ZNF423: variants seen among roughly 807,000 people sequenced by gnomAD.
ZNF423 encodes zinc finger protein 423, also known as Ebf-associated zinc finger protein.
A neutral mutation model predicts 95.8 loss-of-function variants in ZNF423; 12 were observed. That is an observed-to-expected ratio of 0.13 (90% CI 0.08 to 0.20). The LOEUF (loss-of-function observed/expected upper bound fraction) is 0.20, where lower values mean the gene tolerates loss of function less well. Among genes scored for constraint, ZNF423 ranks in the 10% least tolerant of loss-of-function variants. The probability of loss-of-function intolerance (pLI) is 1.00; values close to 1 mark genes in which losing one functional copy is unlikely to be tolerated. For missense variants in ZNF423, 1,316 were observed against 1,737.1 expected (o/e 0.76, Z 4.31); for synonymous variants, 749 against 711.9 (o/e 1.05, Z -0.83).
chr16:49,592,775 A>G (rs992114859), intron 5 of ZNF423, among the ~76,000 whole-genome samples: 4 of 152,190 alleles, frequency 2.6e-5, no homozygotes, highest in Non-Finnish European at 4.4e-5. Context: ...GAACCGGCGG[A>G]CCTGAGGGCT....
At chr16:49,674,710 C>T (rs1335256770) in intron 3 of ZNF423, among the ~76,000 whole-genome samples, 3 of 152,292 alleles carry the variant, frequency 2.0e-5, no homozygotes, top group East Asian at 1.9e-4. Context: ...AGGGGCGGAA[C>T]GGGGCTGCAG....
intron 1 of ZNF423, among the ~76,000 whole-genome samples, chr16:49,826,149 C>T (rs1190634654): frequency 6.6e-6 from 1 of 152,168 alleles, no homozygotes. Context: ...GAGGTCGAGG[C>T]TTCAGTGAGC....
chr16:49,606,762 A>G (rs921075014), intron 5 of ZNF423, among the ~76,000 whole-genome samples: 5 of 152,196 alleles, frequency 3.3e-5, no homozygotes, highest in Admixed American at 3.3e-4. Context: ...CACAGCGAGG[A>G]ACATTCTAAC....
chr16:49,709,546 G>T lies in ZNF423; in HGVS notation c.301+21225C>A, dbSNP rs559287393. Among the ~76,000 whole-genome samples, 18 of 152,242 alleles carry T rather than the reference G, an allele frequency of 1.2e-4. No individual in the cohort carries two copies. The South Asian group carries it at 3.7e-3, about 32-fold the overall frequency. ...CTAGTTCAGCAGCTCTCAGCCAGGG[G>T]CAGCAACCGCCCTTCAGGAGCATTT... On this transcript the variant is annotated intron_variant, in intron 3 of 7. Transcript: ENST00000563137.
intron 1 of ZNF423, among the ~76,000 whole-genome samples, chr16:49,809,551 C>T (rs761208781): frequency 2.1e-4 from 32 of 152,166 alleles, no homozygotes; most frequent in Non-Finnish European, 3.8e-4. Flanking sequence ...CCCAAGAAGG[C>T]GAGAGGGGGA....
At position 49,729,655 on chromosome 16, in the gene ZNF423, T is replaced by G. The variant is rs184529305; in HGVS notation, c.301+1116A>C. On this transcript the variant is annotated intron_variant, in intron 3 of 7. Coordinates refer to ENST00000563137, the MANE Select transcript of ZNF423 (RefSeq NM_001379286.1). The stretch of plus-strand genomic sequence containing the variant: ...CTCTTAGGTCTATTATTATTATTAT[T>G]ATTATTATTATTATTATTATTATTA... 1.3e-3 allele frequency among the ~76,000 whole-genome samples: 182 copies of G among 136,408 alleles called. 2 individuals carry two copies. The highest frequency in any genetic ancestry group is 1.9e-3 in the South Asian group (9 of 4,714). 89.5% of individuals were successfully genotyped at this position (136,408 alleles called of 152,430 possible).
At chr16:49,718,926 T>C (rs191815719) in intron 3 of ZNF423, among the ~76,000 whole-genome samples, 24 of 152,304 alleles carry the variant, frequency 1.6e-4, no homozygotes, top group African/African-American at 4.1e-4. Context: ...TAGCCAGTTA[T>C]AATAAAGGAC....
chr16:49,652,392 C>T (rs1973441774), intron 3 of ZNF423, among the ~76,000 whole-genome samples: 1 of 151,974 alleles, frequency 6.6e-6, no homozygotes, highest in Non-Finnish European at 1.5e-5. Context: ...CACCCGAGAG[C>T]TGGCTGTGAT....
chr16:49,751,929 G>A (rs1272976417), intron 2 of ZNF423, among the ~76,000 whole-genome samples: 3 of 152,074 alleles, frequency 2.0e-5, no homozygotes, highest in African/African-American at 7.3e-5. Context: ...CACCCAGGCA[G>A]GACAGTGAAG....
chr16:49,706,489 G>A (rs1295158481), intron 3 of ZNF423, among the ~76,000 whole-genome samples: 3 of 152,236 alleles, frequency 2.0e-5, no homozygotes, highest in Non-Finnish European at 2.9e-5. Context: ...AGGGCATGCT[G>A]CCCCACCATT....
intron 5 of ZNF423, among the ~76,000 whole-genome samples, chr16:49,573,760 A>G (rs902282425): frequency 3.3e-5 from 5 of 152,368 alleles, no homozygotes; most frequent in South Asian, 2.1e-4. Context: ...GCATTCAGAA[A>G]GATAGTCCAA....
intron 1 of ZNF423, among the ~76,000 whole-genome samples, chr16:49,804,553 C>G (rs2034632415): frequency 6.6e-6 from 1 of 152,130 alleles, no homozygotes; most frequent in African/African-American, 2.4e-5. Flanking sequence ...CATCCATGTC[C>G]CCAGAGTCAG....
At chr16:49,542,461 G>A (rs1969287212) in intron 5 of ZNF423, among the ~76,000 whole-genome samples, 1 of 152,238 alleles carries the variant, frequency 6.6e-6, no homozygotes, top group Non-Finnish European at 1.5e-5. Flanking sequence ...GGATGGCCCT[G>A]AAAAGATGTG....
intron 1 of ZNF423, chr16:49,853,744 C>T: frequency 1.0e-6 from 1 of 985,336 alleles, no homozygotes; most frequent in Non-Finnish European, 1.2e-6. Context: ...CTCAGAGATC[C>T]ACAGAGTGGT....
chr16:49,711,905 TCAAGAGCAGCCCTGGG>T (rs1216267616), intron 3 of ZNF423: 3 of 145,820 alleles, frequency 2.1e-5, no homozygotes, highest in Admixed American at 1.4e-4. Context: ...GCCCAGGAGT[TCAAGAGCAGCCCTGGG>T]CAACACACGG....
At chr16:49,530,038 A>G (rs1968782387) in intron 5 of ZNF423, among the ~76,000 whole-genome samples, 1 of 152,170 alleles carries the variant, frequency 6.6e-6, no homozygotes, top group South Asian at 2.1e-4. Context: ...GCAATGAAGG[A>G]CACAAAAGCT....
At chr16:49,500,793 A>ACGCCACCTCGGATG (rs1967366969) in intron 7 of ZNF423, among the ~76,000 whole-genome samples, 1 of 151,600 alleles carries the variant, frequency 6.6e-6, no homozygotes, top group African/African-American at 2.4e-5. Flanking sequence ...CTGTAGTCCC[A>ACGCCACCTCGGATG]GCTACTCGGA....
At chr16:49,607,254 C>A (rs140775818) in intron 5 of ZNF423, among the ~76,000 whole-genome samples, 94 of 152,134 alleles carry the variant, frequency 6.2e-4, no homozygotes, top group African/African-American at 2.0e-3. Context: ...TGAAAGGTGC[C>A]TTTTGTGGCT....
chr16:49,771,081 G>C (rs2034023976), intron 2 of ZNF423, among the ~76,000 whole-genome samples: 1 of 152,118 alleles, frequency 6.6e-6, no homozygotes, highest in Non-Finnish European at 1.5e-5. Context: ...TGGGCTGAGA[G>C]GTGTTGTTCA....
Sources: allele counts gnomAD v4.1 joint callset (sites outside exome capture counted in the v4.1 genomes callset), GRCh38; gene constraint gnomAD v4.1.1; transcripts MANE v1.5; gene names NCBI Gene and HGNC (gene_info 2026-07-23, HGNC 2026-07-21).